Variants in DACH2 observed in about 807,000 individuals in gnomAD.
DACH2 encodes the protein dachshund family transcription factor 2.
In DACH2, 17 loss-of-function variants were observed where a neutral mutation model predicts 35.8. That is an observed-to-expected ratio of 0.48 (90% CI 0.33 to 0.71). The LOEUF (loss-of-function observed/expected upper bound fraction) is 0.71. Ranked by LOEUF, DACH2 falls within the 30% of genes least tolerant of loss-of-function variation. The probability of loss-of-function intolerance (pLI) is 0.02; values close to 1 mark genes in which losing one functional copy is unlikely to be tolerated. For missense variants in DACH2, 469 were observed against 472.7 expected, an observed-to-expected ratio of 0.99 and a Z score of 0.07; for synonymous variants, 195 against 177.3, an observed-to-expected ratio of 1.10 and a Z score of -0.79.
chrX:86,172,398 G>GT (rs1342552050), intron 1 of DACH2, among the ~76,000 whole-genome samples: 6 of 112,130 alleles, frequency 5.4e-5, no homozygotes, highest in African/African-American at 1.9e-4. Context: ...CTTCTAGGAA[G>GT]TAATAGTATC....
Position 86,376,817 on chromosome X carries a change from CT to C in DACH2, c.489-3del. 9.4e-7 allele frequency: 1 copy of C among 1,060,987 alleles called. No individual in the cohort carries two copies. 87.4% of individuals were successfully genotyped at this position (1,060,987 alleles called of 1,213,427 possible). ...TTTATTTATTTTCTGCTACACTCTC[CT>C]TTTAGAAGGAAGAGGCAAATGACAA... On this transcript the variant is annotated splice_polypyrimidine_tract_variant and splice_region_variant and intron_variant, in intron 1 of 11. Coordinates refer to ENST00000373125, the MANE Select transcript of DACH2 (RefSeq NM_053281.3).
At chrX:86,210,351 C>A (rs1027268190) in intron 1 of DACH2, among the ~76,000 whole-genome samples, 1 of 111,181 alleles carries the variant, frequency 9.0e-6, no homozygotes, top group African/African-American at 3.3e-5. Context: ...AATGCATGTA[C>A]TTTTTCATTT....
intron 1 of DACH2, among the ~76,000 whole-genome samples, chrX:86,183,169 T>G (rs1352164202): frequency 8.9e-6 from 1 of 111,736 alleles, no homozygotes; most frequent in African/African-American, 3.3e-5. Context: ...TCCCCTTTAT[T>G]TCTTTCTCTT....
intron 1 of DACH2, among the ~76,000 whole-genome samples, chrX:86,289,368 C>A (rs939542238): frequency 9.3e-6 from 1 of 107,296 alleles, no homozygotes; most frequent in African/African-American, 3.4e-5. Context: ...TTGATGTAAG[C>A]ATTCCCTTAG....
chrX:86,440,256 T>G (rs908829469), intron 2 of DACH2, among the ~76,000 whole-genome samples: 1 of 111,387 alleles, frequency 9.0e-6, no homozygotes, highest in African/African-American at 3.3e-5. Flanking sequence ...CGCCTATGTA[T>G]TCTTGAACTT....
chrX:86,343,449 G>T (rs1203571728), intron 1 of DACH2, among the ~76,000 whole-genome samples: 2 of 111,553 alleles, frequency 1.8e-5, no homozygotes, highest in Non-Finnish European at 3.8e-5. Flanking sequence ...TGCATCATCT[G>T]CCCAGAGCTG....
chrX:86,400,256 A>G (rs934620646), intron 2 of DACH2, among the ~76,000 whole-genome samples: 1 of 109,714 alleles, frequency 9.1e-6, no homozygotes, highest in East Asian at 2.9e-4. Flanking sequence ...ACTTCTCTAC[A>G]TTGGTTATTC....
At chrX:86,306,262 C>T (rs756012256) in intron 1 of DACH2, among the ~76,000 whole-genome samples, 1 of 112,091 alleles carries the variant, frequency 8.9e-6, no homozygotes, top group African/African-American at 3.2e-5. Flanking sequence ...TGTTACTCAG[C>T]TACAAAAAAG....
chrX:86,738,943 G>T (rs1312183840), intron 6 of DACH2, among the ~76,000 whole-genome samples: 1 of 111,159 alleles, frequency 9.0e-6, no homozygotes, highest in African/African-American at 3.3e-5. Context: ...CGTGACTTCG[G>T]CTCACTGCAA....
chrX:86,466,262 C>A (rs929337134), intron 2 of DACH2, among the ~76,000 whole-genome samples: 1 of 111,261 alleles, frequency 9.0e-6, no homozygotes, highest in Non-Finnish European at 1.9e-5. Flanking sequence ...GGGTAAACAG[C>A]CCCCATGATT....
At chrX:86,308,301 A>G (rs1344012735) in intron 1 of DACH2, among the ~76,000 whole-genome samples, 2 of 112,806 alleles carry the variant, frequency 1.8e-5, no homozygotes, top group Non-Finnish European at 1.9e-5. Flanking sequence ...TACAATGGGA[A>G]TAATTGGATC....
intron 4 of DACH2, among the ~76,000 whole-genome samples, chrX:86,679,071 T>C (rs1191336082): frequency 8.9e-6 from 1 of 111,779 alleles, no homozygotes; most frequent in African/African-American, 3.2e-5. Context: ...ACCCAAGTTA[T>C]ATCCCACAAA....
intron 3 of DACH2, among the ~76,000 whole-genome samples, chrX:86,549,576 T>G (rs926795145): frequency 1.8e-5 from 2 of 110,857 alleles, no homozygotes; most frequent in African/African-American, 6.5e-5. Context: ...TATATTTTTT[T>G]AAATTAAATT....
chrX:86,458,012 C>T (rs1401125935), intron 2 of DACH2, among the ~76,000 whole-genome samples: 6 of 111,900 alleles, frequency 5.4e-5, no homozygotes, highest in African/African-American at 1.6e-4. Context: ...AGTTTAAATA[C>T]AATACCGCAC....
intron 7 of DACH2, among the ~76,000 whole-genome samples, chrX:86,745,900 TG>T (rs1300750125): frequency 9.0e-6 from 1 of 111,307 alleles, no homozygotes; most frequent in Admixed American, 9.6e-5. Context: ...CATCATCTGT[TG>T]TTTATTGACT....
At chrX:86,710,528 A>G (rs1346668762) in intron 5 of DACH2, among the ~76,000 whole-genome samples, 1 of 112,153 alleles carries the variant, frequency 8.9e-6, no homozygotes, top group Non-Finnish European at 1.9e-5. Flanking sequence ...AACTTCTGCT[A>G]ATGTGTTTTA....
intron 7 of DACH2, among the ~76,000 whole-genome samples, chrX:86,745,601 T>C (rs749382107): frequency 8.9e-6 from 1 of 111,793 alleles, no homozygotes; most frequent in South Asian, 3.7e-4. Flanking sequence ...CCTGTCCTTT[T>C]TTATGGCTGC....
chrX:86,310,552 G>A (rs1215550787), intron 1 of DACH2, among the ~76,000 whole-genome samples: 1 of 111,904 alleles, frequency 8.9e-6, no homozygotes, highest in Non-Finnish European at 1.9e-5. Flanking sequence ...AAGGACCGTG[G>A]TGAAGGGAAA....
intron 5 of DACH2, among the ~76,000 whole-genome samples, chrX:86,703,832 C>T (rs1049989042): frequency 1.8e-4 from 20 of 111,723 alleles, no homozygotes; most frequent in African/African-American, 6.5e-4. Flanking sequence ...AATGGAAAAA[C>T]ATTCCATGCT....
Sources: gnomAD v4.1 joint callset for allele counts (sites outside exome capture counted in the v4.1 genomes callset) on GRCh38, gnomAD v4.1.1 for gene constraint, MANE v1.5 for transcripts, NCBI Gene and HGNC (gene_info 2026-07-23, HGNC 2026-07-21) for gene names.